The following RBFOX1 variants were observed in gnomAD, a reference collection of about 807,000 sequenced individuals.
The protein encoded by RBFOX1 is RNA binding fox-1 homolog 1, also known as RNA binding protein fox-1 homolog 1.
A neutral mutation model predicts 57.7 loss-of-function variants in RBFOX1; 8 were observed. The ratio of observed to expected loss-of-function variants is 0.14; its 90% confidence interval spans 0.08 to 0.25. The LOEUF (loss-of-function observed/expected upper bound fraction) is 0.25, where lower values mean the gene tolerates loss of function less well. Ranked by LOEUF, RBFOX1 falls within the 10% of genes least tolerant of loss-of-function variation. The pLI is 1.00. For synonymous variants in RBFOX1, 326 were observed against 222.4 expected (o/e 1.47, Z -4.15); for missense variants, 611 against 548.5 (o/e 1.11, Z -1.14).
chr16:7,685,546 T>C (rs1466550587), intron 14 of RBFOX1, among the ~76,000 whole-genome samples: 2 of 152,118 alleles, frequency 1.3e-5, no homozygotes, highest in Admixed American at 6.6e-5. Context: ...AGCATGGTAC[T>C]AATTAGAATC....
intron 3 of RBFOX1, among the ~76,000 whole-genome samples, chr16:6,663,270 C>G (rs545893763): frequency 9.2e-5 from 14 of 152,132 alleles, no homozygotes; most frequent in South Asian, 2.1e-4. Flanking sequence ...TTGTCACAGA[C>G]GGCTCAGCTT....
At chr16:7,644,645 A>G (rs1250836364) in intron 11 of RBFOX1, among the ~76,000 whole-genome samples, 1 of 152,206 alleles carries the variant, frequency 6.6e-6, no homozygotes, top group Non-Finnish European at 1.5e-5. Flanking sequence ...ATCAGTGATC[A>G]CCTTGTGCTC....
At chr16:7,272,768 T>A (rs1009168649) in intron 4 of RBFOX1, among the ~76,000 whole-genome samples, 16 of 152,074 alleles carry the variant, frequency 1.1e-4, no homozygotes, top group Admixed American at 9.8e-4. Context: ...TGAGGAGCAT[T>A]CTCTTGCTTT....
intron 4 of RBFOX1, among the ~76,000 whole-genome samples, chr16:7,159,012 T>G (rs957718258): frequency 2.0e-5 from 3 of 151,610 alleles, no homozygotes; most frequent in Non-Finnish European, 4.4e-5. Context: ...TCCCCCCATT[T>G]CTCTCACCCC....
intron 4 of RBFOX1, among the ~76,000 whole-genome samples, chr16:7,284,664 G>A (rs947974154): frequency 3.3e-5 from 5 of 152,144 alleles, no homozygotes; most frequent in Admixed American, 1.3e-4. Context: ...TTTTAAGAGA[G>A]GCAGAGGACA....
intron 3 of RBFOX1, among the ~76,000 whole-genome samples, chr16:6,730,657 C>A (rs918741371): frequency 6.6e-6 from 1 of 152,166 alleles, no homozygotes. Context: ...GGAAAATCTT[C>A]AATCATGGTG....
At chr16:6,954,036 C>T (rs954129091) in intron 3 of RBFOX1, among the ~76,000 whole-genome samples, 2 of 152,002 alleles carry the variant, frequency 1.3e-5, no homozygotes, top group African/African-American at 4.8e-5. Context: ...GCGCATATAC[C>T]CCTAATATGG....
In RBFOX1 at chr16:6,680,212, T is replaced by C. The variant is rs72763001; in HGVS notation, c.-16+25562T>C. ...TGGAGCTGCGCATATATTCAGTAAG[T>C]GGTCGAAGTACAATTTTTACTATGA... On this transcript the variant is annotated intron_variant, in intron 3 of 15. Transcript: ENST00000550418. Among the ~76,000 whole-genome samples the C allele has an allele frequency of 3.9e-3, 586 of 151,776 alleles. 4 individuals are homozygous for C. Among genetic ancestry groups the C allele is most frequent in the Non-Finnish European group, 5.5e-3 (377 of 67,946 alleles).
intron 1 of RBFOX1, among the ~76,000 whole-genome samples, chr16:5,384,077 ATG>A (rs2066197963): frequency 6.6e-6 from 1 of 152,240 alleles, no homozygotes; most frequent in South Asian, 2.1e-4. Context: ...AAATGAGTCT[ATG>A]TGTCCAGGCC....
chr16:6,401,330 A>G (rs941649467), intron 2 of RBFOX1, among the ~76,000 whole-genome samples: 4 of 152,204 alleles, frequency 2.6e-5, no homozygotes, highest in African/African-American at 9.6e-5. Context: ...ATAAGTGTAC[A>G]CTGATATAAA....
intron 3 of RBFOX1, among the ~76,000 whole-genome samples, chr16:5,826,433 T>C (rs1488982481): frequency 2.0e-5 from 3 of 152,180 alleles, no homozygotes; most frequent in Non-Finnish European, 4.4e-5. Flanking sequence ...TGGCAAACTA[T>C]TTCTGAAAAA....
chr16:6,958,239 C>G (rs935332897), intron 3 of RBFOX1, among the ~76,000 whole-genome samples: 3 of 152,158 alleles, frequency 2.0e-5, no homozygotes, highest in African/African-American at 4.8e-5. Flanking sequence ...CTGAGCCCTG[C>G]ACGATGCAGC....
At chr16:6,111,603 C>T (rs1430880854) in intron 1 of RBFOX1, among the ~76,000 whole-genome samples, 3 of 152,150 alleles carry the variant, frequency 2.0e-5, no homozygotes, top group African/African-American at 4.8e-5. Flanking sequence ...AATGTGTCAT[C>T]AAAATAAACT....
intron 1 of RBFOX1, among the ~76,000 whole-genome samples, chr16:5,428,515 A>T (rs2067632125): frequency 6.6e-6 from 1 of 152,204 alleles, no homozygotes; most frequent in Admixed American, 6.5e-5. Flanking sequence ...AAAACAAGTC[A>T]TCAGGCAAAT....
rs146370830 is a variant in RBFOX1 at position 6,832,701 on chromosome 16, T to A, written c.-16+178051T>A. Among the ~76,000 whole-genome samples the A allele has an allele frequency of 4.1e-3, 631 of 152,348 alleles. 6 individuals are homozygous for A. The highest frequency in any genetic ancestry group is 0.014 in the African/African-American group (594 of 41,580). ...CCCACTCAAAATAAGTTTCTCCACT[T>A]GCCCTTTTTCCATTACTGGGAAGGG... On this transcript the variant is annotated intron_variant, in intron 3 of 15. Transcript: ENST00000550418.
intron 1 of RBFOX1, among the ~76,000 whole-genome samples, chr16:6,165,196 T>C (rs930731244): frequency 6.6e-6 from 1 of 152,182 alleles, no homozygotes; most frequent in African/African-American, 2.4e-5. Context: ...GATTACCCTG[T>C]AGACGGAACA....
At chr16:7,224,184 A>G (rs2152870331) in intron 4 of RBFOX1, among the ~76,000 whole-genome samples, 1 of 144,674 alleles carries the variant, frequency 6.9e-6, no homozygotes, top group Admixed American at 7.2e-5. Flanking sequence ...CACTCAGCTC[A>G]CTCAGTGCAA....
At chr16:6,703,322 C>G (rs1031177585) in intron 3 of RBFOX1, among the ~76,000 whole-genome samples, 1 of 151,974 alleles carries the variant, frequency 6.6e-6, no homozygotes. Context: ...CACCTGTGAT[C>G]CAGCACTTAG....
intron 3 of RBFOX1, among the ~76,000 whole-genome samples, chr16:6,791,074 T>C (rs1414398356): frequency 1.3e-5 from 2 of 152,028 alleles, no homozygotes; most frequent in East Asian, 3.9e-4. Flanking sequence ...ACCTGACTAA[T>C]TTTTGCATTT....
Sources: allele counts gnomAD v4.1 joint callset (sites outside exome capture counted in the v4.1 genomes callset), GRCh38; gene constraint gnomAD v4.1.1; transcripts MANE v1.5; gene names NCBI Gene and HGNC (gene_info 2026-07-23, HGNC 2026-07-21).